Variants in DDX50 observed in about 807,000 individuals in gnomAD.
The protein encoded by DDX50 is DExD-box helicase 50.
DDX50 carries 56 observed loss-of-function variants against 94.8 expected under a neutral mutation model. That is an observed-to-expected ratio of 0.59 (90% CI 0.48 to 0.74). The LOEUF is 0.74. Ranked by LOEUF, DDX50 falls within the 30% of genes least tolerant of loss-of-function variation. The pLI is 0.00. For missense variants in DDX50, 713 were observed against 881.2 expected, an observed-to-expected ratio of 0.81 and a Z score of 2.42; for synonymous variants, 264 against 295.4, an observed-to-expected ratio of 0.89 and a Z score of 1.09.
At chr10:68,931,423 A>T (rs1157553784) in intron 8 of DDX50, among the ~76,000 whole-genome samples, 1 of 89,988 alleles carries the variant, frequency 1.1e-5, no homozygotes, top group Non-Finnish European at 2.1e-5. Flanking sequence ...ATATATATAT[A>T]TATACACAAA....
intron 8 of DDX50, among the ~76,000 whole-genome samples, chr10:68,923,207 A>G (rs1044669696): frequency 6.7e-5 from 8 of 119,272 alleles, no homozygotes; most frequent in African/African-American, 2.6e-4. Context: ...TTTAATATAT[A>G]TAATATATAT....
rs374203626 is a variant in DDX50 at position 68,906,745 on chromosome 10, C to T, written c.122C>T (p.Ser41Leu). The T allele has an allele frequency of 1.6e-5, 26 of 1,611,928 alleles. No individual in the cohort carries two copies. The highest frequency in any genetic ancestry group is 9.4e-5 in the African/African-American group (7 of 74,810). ...AGGAAGTCAAGGCACCATTATGACT[C>T]GGATGAGAAATCAGAAACAAGAGAA... is the stretch of plus-strand genomic sequence containing the variant. ...DRRKSRHHYDSDEKSETRENG... is the reference protein window; with the variant it reads ...DRRKSRHHYDLDEKSETRENG... Residue 41 changes from serine (S) to leucine (L), a missense_variant, in exon 2 of 15, where the codon TCG becomes TTG. By Grantham distance (145) the Ser-to-Leu change is moderately radical (BLOSUM62 -2). Coordinates refer to ENST00000373585, the MANE Select transcript of DDX50 (RefSeq NM_024045.2).
intron 3 of DDX50, 61 bp from the exon 4 acceptor site, chr10:68,911,007 G>C: frequency 8.1e-7 from 1 of 1,232,922 alleles, no homozygotes; most frequent in South Asian, 2.3e-5. Context: ...ATTTTCAAAT[G>C]AATATATTTT....
intron 8 of DDX50, among the ~76,000 whole-genome samples, chr10:68,933,055 CATTG>C (rs1480363649): frequency 1.0e-5 from 1 of 96,370 alleles, no homozygotes; most frequent in South Asian, 3.9e-4. Flanking sequence ...TTCATTGCAA[CATTG>C]TTTGTTTGTT....
chr10:68,908,264 C>A (rs543683361), intron 2 of DDX50, among the ~76,000 whole-genome samples: 2 of 151,862 alleles, frequency 1.3e-5, no homozygotes, highest in Non-Finnish European at 2.9e-5. Flanking sequence ...CCAGCCTGAC[C>A]GACATGGTGA....
intron 7 of DDX50, among the ~76,000 whole-genome samples, chr10:68,919,031 C>T (rs1290439297): frequency 6.6e-6 from 1 of 152,088 alleles, no homozygotes; most frequent in Non-Finnish European, 1.5e-5. Context: ...CAGTAACATG[C>T]TGTTTAGGTT....
At chr10:68,915,352 G>T (rs2132031547) in intron 7 of DDX50, among the ~76,000 whole-genome samples, 1 of 151,982 alleles carries the variant, frequency 6.6e-6, no homozygotes, top group South Asian at 2.1e-4. Context: ...GGTGAAGCTT[G>T]CAGTGAGCCA....
At chr10:68,932,795 C>A (rs575668000) in intron 8 of DDX50, among the ~76,000 whole-genome samples, 2 of 152,212 alleles carry the variant, frequency 1.3e-5, no homozygotes, top group South Asian at 2.1e-4. Context: ...CTATTAAATT[C>A]ACAAAGATTA....
At chr10:68,913,134 CTTTT>C in intron 4 of DDX50, 24 bp from the exon 5 acceptor site, 2 of 1,551,124 alleles carry the variant, frequency 1.3e-6, no homozygotes, top group Non-Finnish European at 8.7e-7. Flanking sequence ...AGAAAAGTAT[CTTTT>C]TGTTTTTTAA....
chr10:68,946,293 C>A, intron 14 of DDX50, 59 bp from the exon 15 acceptor site: 1 of 1,528,990 alleles, frequency 6.5e-7, no homozygotes, highest in Non-Finnish European at 8.8e-7. Context: ...TTGTACTTAA[C>A]ATGTTTGCTT....
At chr10:68,909,679 T>G (rs574884209) in intron 2 of DDX50, among the ~76,000 whole-genome samples, 1 of 152,292 alleles carries the variant, frequency 6.6e-6, no homozygotes, top group Non-Finnish European at 1.5e-5. Flanking sequence ...GTTCTTCTTT[T>G]GAGACAGAGT....
At chr10:68,924,789 TCTC>T (rs1246937641) in intron 8 of DDX50, among the ~76,000 whole-genome samples, 1 of 152,196 alleles carries the variant, frequency 6.6e-6, no homozygotes, top group Non-Finnish European at 1.5e-5. Context: ...TCCAGCAGTT[TCTC>T]CTCAGTATGG....
At chr10:68,912,250 T>G (rs1323568132) in intron 4 of DDX50, among the ~76,000 whole-genome samples, 1 of 152,106 alleles carries the variant, frequency 6.6e-6, no homozygotes, top group Non-Finnish European at 1.5e-5. Context: ...CTCTCTCTGT[T>G]GCCCAGGATG....
At chr10:68,904,866 T>C (rs913078055) in intron 1 of DDX50, among the ~76,000 whole-genome samples, 8 of 152,244 alleles carry the variant, frequency 5.3e-5, no homozygotes, top group African/African-American at 1.9e-4. Context: ...CAAAGCATTT[T>C]CACACATATT....
At chr10:68,917,659 G>A (rs555616188) in intron 7 of DDX50, among the ~76,000 whole-genome samples, 1 of 152,274 alleles carries the variant, frequency 6.6e-6, no homozygotes, top group East Asian at 1.9e-4. Context: ...GCAGTGCAGT[G>A]TGGCATGATC....
chr10:68,910,232 CT>C, intron 2 of DDX50, 74 bp from the exon 3 acceptor site: 1 of 1,215,050 alleles, frequency 8.2e-7, no homozygotes, highest in South Asian at 1.4e-5. Flanking sequence ...GTAAGTTAAT[CT>C]GTAAAAAATT....
chr10:68,923,999 G>GA (rs960168872), intron 8 of DDX50, among the ~76,000 whole-genome samples: 1 of 133,980 alleles, frequency 7.5e-6, no homozygotes, highest in African/African-American at 2.8e-5. Context: ...GCCCAGGCTG[G>GA]AGTGCAGTAG....
At chr10:68,915,267 G>T (rs188512495) in intron 7 of DDX50, among the ~76,000 whole-genome samples, 2 of 150,776 alleles carry the variant, frequency 1.3e-5, no homozygotes, top group Non-Finnish European at 3.0e-5. Context: ...CAAAAAATTA[G>T]CCGGTCATGG....
intron 8 of DDX50, among the ~76,000 whole-genome samples, chr10:68,927,444 C>A (rs957181652): frequency 6.6e-6 from 1 of 152,034 alleles, no homozygotes; most frequent in Non-Finnish European, 1.5e-5. Context: ...AGATCTGATT[C>A]TTACTCTACA....
Sources: allele counts gnomAD v4.1 joint callset (sites outside exome capture counted in the v4.1 genomes callset), GRCh38; gene constraint gnomAD v4.1.1; transcripts MANE v1.5; gene names NCBI Gene and HGNC (gene_info 2026-07-23, HGNC 2026-07-21).